PXDNL: variants seen among roughly 807,000 people sequenced by gnomAD.
PXDNL encodes peroxidasin like, also known as probable oxidoreductase PXDNL.
A neutral mutation model predicts 150.8 loss-of-function variants in PXDNL; 145 were observed. The observed-to-expected ratio is 0.96, with a 90% CI of 0.84 to 1.10. The LOEUF is 1.10. PXDNL is among the 50% of genes least tolerant of loss of function. PXDNL has a pLI of 0.00. For synonymous variants in PXDNL, 757 were observed against 725.7 expected (o/e 1.04, Z -0.69); for missense variants, 2,087 against 1,873.9 (o/e 1.11, Z -2.10).
chr8:51,567,747 C>T (rs998216706), intron 3 of PXDNL, among the ~76,000 whole-genome samples: 8 of 151,682 alleles, frequency 5.3e-5, no homozygotes, highest in African/African-American at 7.2e-5. Flanking sequence ...CAGGACCTCT[C>T]GAGGACACCA....
chr8:51,797,691 A>G (rs1434918084), intron 1 of PXDNL, among the ~76,000 whole-genome samples: 1 of 150,974 alleles, frequency 6.6e-6, no homozygotes, highest in Non-Finnish European at 1.5e-5. Flanking sequence ...AAACAAATGG[A>G]AAAACATTCC....
At chr8:51,490,786 A>C (rs1810873976) in intron 5 of PXDNL, among the ~76,000 whole-genome samples, 1 of 151,272 alleles carries the variant, frequency 6.6e-6, no homozygotes, top group African/African-American at 2.4e-5. Context: ...TAGCATAAGC[A>C]AGATAAATCC....
At chr8:51,753,533 C>T (rs1204517892) in intron 1 of PXDNL, among the ~76,000 whole-genome samples, 2 of 152,126 alleles carry the variant, frequency 1.3e-5, no homozygotes, top group African/African-American at 4.8e-5. Flanking sequence ...TCATTCTGAT[C>T]CATAGTATCG....
At chr8:51,521,171 G>A (rs1811655321) in intron 4 of PXDNL, among the ~76,000 whole-genome samples, 1 of 152,184 alleles carries the variant, frequency 6.6e-6, no homozygotes, top group Admixed American at 6.5e-5. Context: ...GAGCCCAGGA[G>A]TATGAGGCTA....
At chr8:51,696,989 C>A (rs1816162507) in intron 1 of PXDNL, among the ~76,000 whole-genome samples, 1 of 152,172 alleles carries the variant, frequency 6.6e-6, no homozygotes, top group African/African-American at 2.4e-5. Context: ...GTGAAGAAAG[C>A]TTTTTAGATT....
chr8:51,512,645 G>A (rs1424991315), intron 4 of PXDNL, among the ~76,000 whole-genome samples: 1 of 152,164 alleles, frequency 6.6e-6, no homozygotes, highest in Non-Finnish European at 1.5e-5. Context: ...CTAACTCTGG[G>A]ATTAAAGGGG....
intron 17 of PXDNL, among the ~76,000 whole-genome samples, chr8:51,378,393 G>T (rs1807414367): frequency 6.6e-6 from 1 of 152,188 alleles, no homozygotes; most frequent in South Asian, 2.1e-4. Context: ...ATCTAGTGAG[G>T]ACTTGGAGAA....
chr8:51,367,067 C>G (rs1162114098), intron 19 of PXDNL, among the ~76,000 whole-genome samples: 1 of 142,652 alleles, frequency 7.0e-6, no homozygotes. Flanking sequence ...CACCACTGCA[C>G]TCCAGCCTTG....
At chr8:51,399,710 G>A (rs778792656) in intron 17 of PXDNL, among the ~76,000 whole-genome samples, 28 of 152,170 alleles carry the variant, frequency 1.8e-4, no homozygotes, top group Non-Finnish European at 2.9e-4. Flanking sequence ...TAAAATGTGT[G>A]CATTGTACCA....
At chr8:51,436,182 G>T (rs950974198) in intron 12 of PXDNL, 1 of 520,998 alleles carries the variant, frequency 1.9e-6, no homozygotes, top group Admixed American at 2.0e-5. Context: ...GTACACCGTG[G>T]TATCATCCCA....
At chr8:51,335,526 A>C (rs1123900) in intron 21 of PXDNL, among the ~76,000 whole-genome samples, 5,338 of 152,112 alleles carry the variant, frequency 0.035, 190 homozygotes, top group African/African-American at 0.087. Context: ...AGTTGTGAGA[A>C]TCTCTAACTT....
In PXDNL at chr8:51,468,778, C is replaced by T. The variant is rs1184180668; in HGVS notation, c.812+3409G>A. On this transcript the variant is annotated intron_variant, in intron 8 of 22. Coordinates refer to ENST00000356297, the MANE Select transcript of PXDNL (RefSeq NM_144651.5). Reference sequence around the variant, plus strand: ...TTGTTAATATGCACTCTTGACTTAACAGAATTCACAGTATCACTCTTCACC... The same window carrying T: ...TTGTTAATATGCACTCTTGACTTAATAGAATTCACAGTATCACTCTTCACC... Among the ~76,000 whole-genome samples the T allele has an allele frequency of 2.0e-5, 3 of 151,980 alleles. No homozygotes were observed. The East Asian group carries it at 5.8e-4, about 29-fold the overall frequency.
At chr8:51,473,228 T>C (rs1047281262) in intron 7 of PXDNL, among the ~76,000 whole-genome samples, 12 of 150,760 alleles carry the variant, frequency 8.0e-5, no homozygotes, top group African/African-American at 2.9e-4. Flanking sequence ...ATAGACAAGG[T>C]CTCTGTACCA....
chr8:51,719,235 A>G (rs1403904783), intron 1 of PXDNL, among the ~76,000 whole-genome samples: 1 of 152,164 alleles, frequency 6.6e-6, no homozygotes, highest in Non-Finnish European at 1.5e-5. Context: ...GAGAAATCAG[A>G]TTGTTGCTGT....
At chr8:51,331,708 G>T (rs1013078068) in intron 21 of PXDNL, among the ~76,000 whole-genome samples, 2 of 151,990 alleles carry the variant, frequency 1.3e-5, no homozygotes, top group Admixed American at 1.3e-4. Flanking sequence ...TGTGACTGCC[G>T]GCTTTTCCTC....
At chr8:51,682,897 G>A (rs979128698) in intron 1 of PXDNL, among the ~76,000 whole-genome samples, 3 of 151,854 alleles carry the variant, frequency 2.0e-5, no homozygotes, top group Admixed American at 1.3e-4. Flanking sequence ...GGGAGGCTGG[G>A]AATTTCCAGT....
chr8:51,658,878 G>A (rs566843801), intron 1 of PXDNL, among the ~76,000 whole-genome samples: 155 of 152,122 alleles, frequency 1.0e-3, no homozygotes, highest in African/African-American at 3.5e-3. Context: ...AGACCACACC[G>A]TTCCTTTATA....
At chr8:51,700,991 A>G (rs1295867582) in intron 1 of PXDNL, among the ~76,000 whole-genome samples, 2 of 152,090 alleles carry the variant, frequency 1.3e-5, no homozygotes, top group Non-Finnish European at 2.9e-5. Context: ...ACACACATAT[A>G]CATACAGACA....
chr8:51,438,226 A>C (rs1164116809), intron 12 of PXDNL, among the ~76,000 whole-genome samples: 1 of 152,194 alleles, frequency 6.6e-6, no homozygotes, highest in East Asian at 1.9e-4. Context: ...ATATTGTGAA[A>C]ATGACCATAC....
Sources: allele counts gnomAD v4.1 joint callset (sites outside exome capture counted in the v4.1 genomes callset), GRCh38; gene constraint gnomAD v4.1.1; transcripts MANE v1.5; gene names NCBI Gene and HGNC (gene_info 2026-07-23, HGNC 2026-07-21).